CNTN5: variants seen among roughly 807,000 people sequenced by gnomAD.
The protein encoded by CNTN5 is contactin-5.
In CNTN5, 77 loss-of-function variants were observed where a neutral mutation model predicts 129.1. The observed-to-expected ratio is 0.60, with a 90% CI of 0.50 to 0.72. The LOEUF is 0.72. Ranked by LOEUF, CNTN5 falls within the 30% of genes least tolerant of loss-of-function variation. CNTN5 has a pLI of 0.00. For missense variants in CNTN5, 1,478 were observed against 1,328.8 expected, an observed-to-expected ratio of 1.11 and a Z score of -1.75; for synonymous variants, 509 against 465.6, an observed-to-expected ratio of 1.09 and a Z score of -1.20.
intron 4 of CNTN5, 67 bp from the exon 5 acceptor site, chr11:99,844,785 A>G: frequency 6.7e-7 from 1 of 1,488,088 alleles, no homozygotes; most frequent in Non-Finnish European, 9.1e-7. Context: ...TAAGATGGAA[A>G]AGAAAAAAAC....
At chr11:99,531,184 T>TG (rs1457561758) in intron 2 of CNTN5, among the ~76,000 whole-genome samples, 16 of 152,138 alleles carry the variant, frequency 1.1e-4, no homozygotes, top group African/African-American at 3.9e-4. Context: ...GAGGAACTTG[T>TG]GGGGAACTGG....
chr11:99,388,886 A>G (rs1363727849), intron 2 of CNTN5, among the ~76,000 whole-genome samples: 5 of 152,206 alleles, frequency 3.3e-5, no homozygotes, highest in Non-Finnish European at 7.4e-5. Flanking sequence ...ACCCATTGAA[A>G]TGCTCTGGGT....
chr11:99,199,728 A>T (rs568324756), intron 1 of CNTN5, among the ~76,000 whole-genome samples: 14 of 152,268 alleles, frequency 9.2e-5, no homozygotes, highest in African/African-American at 3.4e-4. Flanking sequence ...TTCCTCCAAT[A>T]TTGCATTAGC....
chr11:100,170,882 C>G (rs538594963), intron 13 of CNTN5, among the ~76,000 whole-genome samples: 1 of 124,790 alleles, frequency 8.0e-6, no homozygotes, highest in African/African-American at 3.5e-5. Flanking sequence ...AGAAGGTATC[C>G]TGAAACAAAA....
chr11:100,245,252 G>A (rs1464348582), intron 16 of CNTN5, among the ~76,000 whole-genome samples: 1 of 152,122 alleles, frequency 6.6e-6, no homozygotes, highest in Non-Finnish European at 1.5e-5. Flanking sequence ...AGGAATAACA[G>A]AGGCTAAATC....
intron 13 of CNTN5, among the ~76,000 whole-genome samples, chr11:100,186,319 G>C (rs942456183): frequency 6.6e-6 from 1 of 152,168 alleles, no homozygotes; most frequent in Non-Finnish European, 1.5e-5. Flanking sequence ...AGGCTGCACT[G>C]AGCCATGACT....
rs747847108 is a variant in CNTN5 at position 99,845,150 on chromosome 11, C to T, written c.465C>T (p.Gly155=). The T allele has an allele frequency of 2.5e-6, 4 of 1,613,594 alleles. No homozygotes were observed. The highest frequency in any genetic ancestry group is 1.7e-5 in the Admixed American group (1 of 59,984). The change falls in exon 6 of 25, where the codon GGC becomes GGT. Residue 155 remains glycine, a synonymous_variant. Transcript: ENST00000524871. ...ESDYRYSLID[G]TFIISNPSEA... is the part of the protein sequence containing the mutation. ...ATTATCGCTACAGTTTGATAGATGG[C>T]ACCTTCATTATAAGCAATCCAAGTG...
chr11:99,060,118 G>T (rs1198797840), intron 1 of CNTN5, among the ~76,000 whole-genome samples: 1 of 151,988 alleles, frequency 6.6e-6, no homozygotes. Flanking sequence ...AAAGAGAGGA[G>T]ATCAGTTTAC....
rs549082360 is a variant in CNTN5 at position 99,898,802 on chromosome 11, A to T, written c.578-17252A>T. On this transcript the variant is annotated intron_variant, in intron 6 of 24. Coordinates refer to ENST00000524871, the MANE Select transcript of CNTN5 (RefSeq NM_014361.4). ...AGTTTAGCAGATATAGAAACATAAC[A>T]TTCCCAAGTAATGTTAAATTTATAT... 6.6e-5 allele frequency among the ~76,000 whole-genome samples: 10 copies of T among 152,072 alleles called. No individual in the cohort carries two copies. The East Asian group carries it at 9.7e-4, about 15-fold the overall frequency.
intron 2 of CNTN5, among the ~76,000 whole-genome samples, chr11:99,338,399 T>G (rs1866335839): frequency 6.6e-6 from 1 of 152,188 alleles, no homozygotes; most frequent in Non-Finnish European, 1.5e-5. Flanking sequence ...TAGGGCATGG[T>G]GTCCACCATG....
At chr11:99,367,777 TAAAAGAAGA>T (rs1939545412) in intron 2 of CNTN5, among the ~76,000 whole-genome samples, 1 of 151,992 alleles carries the variant, frequency 6.6e-6, no homozygotes, top group Non-Finnish European at 1.5e-5. Context: ...ATATTGGAAT[TAAAAGAAGA>T]AATTGAATGA....
At chr11:100,003,410 A>T (rs1939999750) in intron 9 of CNTN5, among the ~76,000 whole-genome samples, 1 of 152,176 alleles carries the variant, frequency 6.6e-6, no homozygotes, top group African/African-American at 2.4e-5. Flanking sequence ...AGGTCTGAAA[A>T]TGTCCCAAGT....
chr11:100,344,032 T>C lies in CNTN5; in HGVS notation c.3030+2827T>C, dbSNP rs149797609. ...TTTGAAGCAGAAAACTTCTTGCTCA[T>C]CGGGGAAAGGGAGAGTTTCCATACT... is the stretch of plus-strand genomic sequence containing the variant. On this transcript the variant is annotated intron_variant, in intron 23 of 24. Transcript: ENST00000524871. Among the ~76,000 whole-genome samples the C allele has an allele frequency of 5.9e-5, 9 of 152,164 alleles. No individual in the cohort carries two copies. The South Asian group carries it at 8.3e-4, about 14-fold the overall frequency.
intron 2 of CNTN5, among the ~76,000 whole-genome samples, chr11:99,416,122 C>T (rs1438128099): frequency 6.6e-6 from 1 of 152,086 alleles, no homozygotes; most frequent in Non-Finnish European, 1.5e-5. Flanking sequence ...AGTATTTAGA[C>T]CATGAATATT....
chr11:100,205,891 C>T (rs1036885413), intron 15 of CNTN5, among the ~76,000 whole-genome samples: 2 of 152,046 alleles, frequency 1.3e-5, no homozygotes, highest in Non-Finnish European at 2.9e-5. Flanking sequence ...CAGAAGGCAA[C>T]TATACATAAG....
chr11:99,707,410 A>G (rs962697533), intron 3 of CNTN5, among the ~76,000 whole-genome samples: 1 of 151,696 alleles, frequency 6.6e-6, no homozygotes, highest in Non-Finnish European at 1.5e-5. Flanking sequence ...TTGATTATCT[A>G]AATTAATTTT....
intron 1 of CNTN5, among the ~76,000 whole-genome samples, chr11:99,311,298 T>C (rs2135970185): frequency 6.6e-6 from 1 of 152,320 alleles, no homozygotes; most frequent in South Asian, 2.1e-4. Context: ...TTACCTACAT[T>C]ATCTGATTTG....
At chr11:99,436,419 C>G (rs1943601430) in intron 2 of CNTN5, among the ~76,000 whole-genome samples, 1 of 146,294 alleles carries the variant, frequency 6.8e-6, no homozygotes, top group Admixed American at 7.0e-5. Flanking sequence ...CTTTATTGTC[C>G]TAACCACTAC....
intron 1 of CNTN5, among the ~76,000 whole-genome samples, chr11:99,190,938 C>A (rs1208546362): frequency 6.6e-6 from 1 of 151,556 alleles, no homozygotes; most frequent in African/African-American, 2.4e-5. Flanking sequence ...AGAGGGATAG[C>A]TTTCACCTTT....
Sources: gnomAD v4.1 joint callset for allele counts (sites outside exome capture counted in the v4.1 genomes callset) on GRCh38, gnomAD v4.1.1 for gene constraint, MANE v1.5 for transcripts, NCBI Gene and HGNC (gene_info 2026-07-23, HGNC 2026-07-21) for gene names.